The following CTNNA1 variants were observed in gnomAD, a reference collection of about 807,000 sequenced individuals.
CTNNA1 encodes catenin alpha 1.
A neutral mutation model predicts 98.4 loss-of-function variants in CTNNA1; 37 were observed. That is an observed-to-expected ratio of 0.38 (90% CI 0.29 to 0.49). The LOEUF (loss-of-function observed/expected upper bound fraction) is 0.49, where lower values mean the gene tolerates loss of function less well. Ranked by LOEUF, CTNNA1 falls within the 20% of genes least tolerant of loss-of-function variation. The pLI is 0.95. For synonymous variants in CTNNA1, 404 were observed against 413.2 expected, an observed-to-expected ratio of 0.98 and a Z score of 0.27; for missense variants, 761 against 1,147.2, an observed-to-expected ratio of 0.66 and a Z score of 4.86.
At position 138,848,872 on chromosome 5, in the gene CTNNA1, C is replaced by CCT. The variant is rs1762951483; in HGVS notation, c.1062+21154_1062+21155insCT. Among the ~76,000 whole-genome samples, 14 of 152,120 alleles carry CCT rather than the reference C, an allele frequency of 9.2e-5. 1 individual carries two copies. The highest frequency in any genetic ancestry group is 8.5e-4 in the Admixed American group (13 of 15,266). ...CTGAGTAGCTGGGATTACAGGTATG[C>CCT]ACCATCATACCCAGCTAATTTTTGT... On this transcript the variant is annotated intron_variant, in intron 7 of 17. Coordinates refer to ENST00000302763, the MANE Select transcript of CTNNA1 (RefSeq NM_001903.5).
At chr5:138,827,869 T>A in intron 7 of CTNNA1, 151 bp downstream of exon 7, 1 of 878,932 alleles carries the variant, frequency 1.1e-6, no homozygotes, top group Non-Finnish European at 1.7e-6. Context: ...AAGAAATGGA[T>A]AAATGGCTAA....
At chr5:138,824,393 T>C in intron 5 of CTNNA1, 137 bp from the exon 6 acceptor site, 1 of 971,278 alleles carries the variant, frequency 1.0e-6, no homozygotes, top group South Asian at 1.7e-5. Context: ...TGTGATTGAC[T>C]CTCAACTAGA....
At chr5:138,759,232 C>T (rs1363988879) in intron 1 of CTNNA1, among the ~76,000 whole-genome samples, 1 of 152,058 alleles carries the variant, frequency 6.6e-6, no homozygotes, top group Admixed American at 6.6e-5. Context: ...GATGTGCTAA[C>T]TCTGAAAATT....
In CTNNA1 at chr5:138,873,528, T is replaced by G; in HGVS notation, c.1063-12684T>G. 1 of 1,613,896 alleles carries G rather than the reference T, an allele frequency of 6.2e-7. No individual in the cohort carries two copies. The highest frequency in any genetic ancestry group is 8.5e-7 in the Non-Finnish European group (1 of 1,179,864). ...GCATCTAGAATATCCTCTCCTTGGG[T>G]GTGGTCAGGACTGTGGCATAGGATG... On this transcript the variant is annotated intron_variant, in intron 7 of 17. Coordinates refer to ENST00000302763, the MANE Select transcript of CTNNA1 (RefSeq NM_001903.5). The surrounding 1 kb of genome is among the most constrained non-coding windows in gnomAD (Gnocchi z 6.1).
intron 5 of CTNNA1, among the ~76,000 whole-genome samples, chr5:138,815,665 TC>T (rs1759360007): frequency 6.6e-6 from 1 of 152,132 alleles, no homozygotes; most frequent in South Asian, 2.1e-4. Flanking sequence ...TGCCTTTGAG[TC>T]ACCCGATTTG....
chr5:138,837,723 G>A (rs921338300), intron 7 of CTNNA1, among the ~76,000 whole-genome samples: 1 of 151,596 alleles, frequency 6.6e-6, no homozygotes, highest in African/African-American at 2.4e-5. Context: ...CCAGGCTCAG[G>A]TGATTCTGCC....
chr5:138,776,953 CT>C (rs1754344463), intron 1 of CTNNA1, among the ~76,000 whole-genome samples: 2 of 126,372 alleles, frequency 1.6e-5, no homozygotes, highest in Admixed American at 7.7e-5. Flanking sequence ...GGGGGGCTGA[CT>C]CCCCCACCTC....
intron 1 of CTNNA1, among the ~76,000 whole-genome samples, chr5:138,776,396 A>C (rs1754174461): frequency 6.6e-6 from 1 of 152,138 alleles, no homozygotes; most frequent in Admixed American, 6.5e-5. Flanking sequence ...AAGGCAGAAT[A>C]ATTTTTCTTA....
At chr5:138,830,820 A>G (rs1761205183) in intron 7 of CTNNA1, among the ~76,000 whole-genome samples, 1 of 152,148 alleles carries the variant, frequency 6.6e-6, no homozygotes, top group African/African-American at 2.4e-5. Context: ...GTTTAATGGG[A>G]GTGTCATCAT....
At chr5:138,872,647 A>G (rs1051375038) in intron 7 of CTNNA1, 2 of 168,990 alleles carry the variant, frequency 1.2e-5, no homozygotes, top group Admixed American at 5.8e-5. Flanking sequence ...GTATTGATCT[A>G]TATCTGTTTC....
Position 138,925,396 on chromosome 5 carries a change from C to G in CTNNA1, c.1888C>G (p.Leu630Val). 1.2e-6 allele frequency: 2 copies of G among 1,614,076 alleles called. No homozygotes were observed. Among genetic ancestry groups the G allele is most frequent in the Non-Finnish European group, 1.7e-6 (2 of 1,180,016 alleles). ...CATCCGGGACATCAGGAAAGCAGTG[C>G]TGATGATAAGGGTGAGTAACTGCAT... Reference protein sequence around the residue: ...DGIRDIRKAVLMIRTPEELDD... With the variant: ...DGIRDIRKAVVMIRTPEELDD... Residue 630 changes from leucine to valine, a missense_variant, in exon 13 of 18, where the codon CTG becomes GTG. This residue lies in a region of CTNNA1 where 287 missense variants were observed against 436.0 expected (regional missense o/e 0.66). Coordinates refer to ENST00000302763, the MANE Select transcript of CTNNA1 (RefSeq NM_001903.5).
chr5:138,766,943 G>A (rs984225001), intron 1 of CTNNA1, among the ~76,000 whole-genome samples: 2 of 152,134 alleles, frequency 1.3e-5, no homozygotes, highest in Non-Finnish European at 2.9e-5. Context: ...TCAAGTAGTT[G>A]TTATGAACAG....
At chr5:138,863,089 GTGTGGAT>G (rs1337393869) in intron 7 of CTNNA1, among the ~76,000 whole-genome samples, 1 of 152,114 alleles carries the variant, frequency 6.6e-6, no homozygotes, top group African/African-American at 2.4e-5. Context: ...AGAGGCTCAA[GTGTGGAT>G]CAGGGCTCCT....
intron 1 of CTNNA1, among the ~76,000 whole-genome samples, chr5:138,771,651 T>G (rs1753570133): frequency 6.6e-6 from 1 of 152,022 alleles, no homozygotes; most frequent in African/African-American, 2.4e-5. Flanking sequence ...CCTCCCAGAG[T>G]GCTGGGATAA....
intron 1 of CTNNA1, among the ~76,000 whole-genome samples, chr5:138,767,119 C>T (rs1334235454): frequency 6.6e-6 from 1 of 152,086 alleles, no homozygotes; most frequent in East Asian, 1.9e-4. Context: ...TCACTGCAAG[C>T]TCCTCCTCCC....
chr5:138,759,073 GA>G (rs1752033141), intron 1 of CTNNA1, among the ~76,000 whole-genome samples: 1 of 152,190 alleles, frequency 6.6e-6, no homozygotes, highest in African/African-American at 2.4e-5. Flanking sequence ...AAAGTACTGG[GA>G]TTACAGGCAT....
chr5:138,904,705 G>A (rs114818254), intron 10 of CTNNA1: 5,193 of 344,826 alleles, frequency 0.015, 59 homozygotes, highest in Non-Finnish European at 0.022. Flanking sequence ...GCCTGTAATC[G>A]CAGCACTTTG....
intron 1 of CTNNA1, among the ~76,000 whole-genome samples, chr5:138,777,665 G>A (rs112898984): frequency 0.012 from 1,839 of 152,018 alleles, 41 homozygotes; most frequent in African/African-American, 0.037. Flanking sequence ...AGACCAGCCC[G>A]GCTAACACAG....
Position 138,767,593 on chromosome 5 carries a change from A to G in CTNNA1, c.-3+14083A>G, listed in dbSNP as rs988700131. Among the ~76,000 whole-genome samples the G allele has an allele frequency of 8.5e-5, 13 of 152,274 alleles. No individual in the cohort carries two copies. In the East Asian group the frequency reaches 2.5e-3, roughly 29 times the overall value. On this transcript the variant is annotated intron_variant, in intron 1 of 17. Transcript: ENST00000302763. ...TATCGTATTATAACTCTTTTCCTGT[A>G]TAGACTGTTGTAAGCATTTTCCCCC... is the stretch of plus-strand genomic sequence containing the variant.
Sources: allele counts gnomAD v4.1 joint callset (sites outside exome capture counted in the v4.1 genomes callset), GRCh38; gene constraint gnomAD v4.1.1; regional missense constraint gnomAD v4.1.1; non-coding constraint Gnocchi (gnomAD v3.1); transcripts MANE v1.5; gene names NCBI Gene and HGNC (gene_info 2026-07-23, HGNC 2026-07-21).